TF: variants seen among roughly 807,000 people sequenced by gnomAD.
TF encodes transferrin.
TF carries 55 observed loss-of-function variants against 82.4 expected under a neutral mutation model. The ratio of observed to expected loss-of-function variants is 0.67; its 90% CI spans 0.54 to 0.84. The LOEUF (loss-of-function observed/expected upper bound fraction) is 0.84. Among genes scored for constraint, TF ranks in the 40% least tolerant of loss-of-function variants. TF has a pLI of 0.00. For synonymous variants in TF, 332 were observed against 332.6 expected, an observed-to-expected ratio of 1.00 and a Z score of 0.02; for missense variants, 737 against 868.4, an observed-to-expected ratio of 0.85 and a Z score of 1.90.
At chr3:133,711,752 C>T in the TF span, among the ~76,000 whole-genome samples, 2 of 152,160 alleles carry the variant, frequency 1.3e-5, no homozygotes, top group Non-Finnish European at 2.9e-5. Context: ...GCTTACTGCC[C>T]CTGGCCCAGC....
chr3:133,755,285 T>A, intron 4 of TF, 78 bp from the exon 5 acceptor site: 3 of 1,604,218 alleles, frequency 1.9e-6, no homozygotes, highest in Non-Finnish European at 2.6e-6. Flanking sequence ...TGTTCCCTGA[T>A]GGGCCTGGGT....
At chr3:133,686,517 C>A in the TF span, among the ~76,000 whole-genome samples, 1 of 152,192 alleles carries the variant, frequency 6.6e-6, no homozygotes, top group South Asian at 2.1e-4. Context: ...AATCAAACAA[C>A]CCCATCAAAA....
chr3:133,780,958 A>G lies in TF; in HGVS notation c.*2338A>G, dbSNP rs1426476086. The G allele has an allele frequency of 6.6e-6, 1 of 152,188 alleles. No homozygotes were observed. Among genetic ancestry groups the G allele is most frequent in the East Asian group, 1.9e-4 (1 of 5,198 alleles). 9.4% of individuals were successfully genotyped at this position (152,188 alleles called of 1,614,324 possible). A position where few individuals can be genotyped will look rare whatever the true frequency, so the allele number is the denominator to read the frequency against. On this transcript the variant is annotated 3_prime_UTR_variant, in exon 17 of 17. Transcript: ENST00000402696. ...ATCCTGGGAGGCAGAGGTTGCAGTG[A>G]GCCAAGGTCGCACCAGAGCACTCCA...
the TF span, among the ~76,000 whole-genome samples, chr3:133,718,286 A>G: frequency 6.6e-6 from 1 of 152,190 alleles, no homozygotes; most frequent in African/African-American, 2.4e-5. Context: ...AGTAAGAGAA[A>G]GAGTATAGCT....
the TF span, among the ~76,000 whole-genome samples, chr3:133,720,410 C>G: frequency 6.6e-6 from 1 of 151,986 alleles, no homozygotes; most frequent in African/African-American, 2.4e-5. Context: ...GTTGATTTGT[C>G]TATGTTAAAT....
chr3:133,743,425 T>A (rs1006514446), upstream of TF, among the ~76,000 whole-genome samples: 1 of 152,012 alleles, frequency 6.6e-6, no homozygotes, highest in African/African-American at 2.4e-5. Flanking sequence ...GAGTCTCATG[T>A]CTGTCCCTCT....
chr3:133,669,737 A>G, the TF span, among the ~76,000 whole-genome samples: 4 of 152,266 alleles, frequency 2.6e-5, no homozygotes, highest in Admixed American at 2.6e-4. Flanking sequence ...CCCCACTCCC[A>G]CCCTAACAAA....
chr3:133,726,577 T>G, the TF span, among the ~76,000 whole-genome samples: 1 of 152,100 alleles, frequency 6.6e-6, no homozygotes, highest in African/African-American at 2.4e-5. Flanking sequence ...GCTAGTGGTC[T>G]ATCAATTTTG....
intron 2 of TF, among the ~76,000 whole-genome samples, chr3:133,753,171 G>A (rs973034150): frequency 6.6e-5 from 10 of 152,194 alleles, no homozygotes; most frequent in African/African-American, 1.4e-4. Context: ...TAAGAAGAGC[G>A]TGGCCAGCCC....
the TF span, among the ~76,000 whole-genome samples, chr3:133,662,851 G>A: frequency 3.3e-5 from 5 of 152,158 alleles, no homozygotes; most frequent in African/African-American, 1.2e-4. Context: ...TAATGTAAAA[G>A]TATAATGCCA....
At chr3:133,728,951 G>A in the TF span, among the ~76,000 whole-genome samples, 48 of 152,316 alleles carry the variant, frequency 3.2e-4, no homozygotes, top group East Asian at 5.8e-3. Flanking sequence ...TATCAGCAGC[G>A]GTGGCTGCAG....
At chr3:133,667,845 T>A in the TF span, among the ~76,000 whole-genome samples, 24 of 152,162 alleles carry the variant, frequency 1.6e-4, no homozygotes, top group Non-Finnish European at 1.0e-4. Context: ...TCTCATCACC[T>A]CCCAGGTTTT....
At chr3:133,724,755 C>A in the TF span, among the ~76,000 whole-genome samples, 1 of 152,138 alleles carries the variant, frequency 6.6e-6, no homozygotes, top group Non-Finnish European at 1.5e-5. Flanking sequence ...AATGGTATTG[C>A]CTAGGTTTTC....
chr3:133,674,317 C>T, the TF span, among the ~76,000 whole-genome samples: 1 of 152,232 alleles, frequency 6.6e-6, no homozygotes, highest in South Asian at 2.1e-4. Context: ...GACTAGTGCG[C>T]TCCGAAGCTG....
rs1021326942 is a variant in TF at position 133,789,828 on chromosome 3, T to C, written c.*11208T>C. The stretch of plus-strand genomic sequence containing the variant: ...TATTTTGAGGTGTTAGGGTTTGGCA[T>C]AGAAGGTTATAAAACTATAAACCCA... On this transcript the variant is annotated 3_prime_UTR_variant, in exon 17 of 17. Transcript: ENST00000402696. 3 of 149,838 alleles carry C rather than the reference T, an allele frequency of 2.0e-5. No individual in the cohort carries two copies. The highest frequency in any genetic ancestry group is 4.4e-5 in the Non-Finnish European group (3 of 67,726). The allele number at this position is 149,838 out of a possible 1,614,324, so 9.3% of individuals were successfully genotyped here.
the TF span, among the ~76,000 whole-genome samples, chr3:133,726,733 G>C: frequency 5.3e-5 from 8 of 152,154 alleles, no homozygotes; most frequent in African/African-American, 9.6e-5. Flanking sequence ...ATTTCTAGTT[G>C]TTTTAATTGT....
At chr3:133,694,756 A>G in the TF span, among the ~76,000 whole-genome samples, 2 of 152,186 alleles carry the variant, frequency 1.3e-5, no homozygotes, top group African/African-American at 2.4e-5. Flanking sequence ...CCTTGCAGGC[A>G]CTTCTGCACA....
At chr3:133,716,488 G>A in the TF span, among the ~76,000 whole-genome samples, 2 of 151,836 alleles carry the variant, frequency 1.3e-5, no homozygotes, top group East Asian at 1.9e-4. Context: ...CCCATATCTC[G>A]TCCATCACCA....
intron 11 of TF, among the ~76,000 whole-genome samples, chr3:133,765,778 A>G (rs929941441): frequency 5.3e-5 from 8 of 152,234 alleles, no homozygotes; most frequent in Non-Finnish European, 1.2e-4. Context: ...GCTGCTGAAA[A>G]TGGAAGCTGA....
Sources: gnomAD v4.1 joint callset for allele counts (sites outside exome capture counted in the v4.1 genomes callset) on GRCh38, gnomAD v4.1.1 for gene constraint, MANE v1.5 for transcripts, NCBI Gene and HGNC (gene_info 2026-07-23, HGNC 2026-07-21) for gene names.